Variants in FAM110B observed in about 807,000 individuals in gnomAD.
FAM110B encodes protein FAM110B.
In FAM110B, 6 loss-of-function variants were observed where a neutral mutation model predicts 20.4. The observed-to-expected ratio is 0.29, with a 90% CI of 0.16 to 0.58. The LOEUF (loss-of-function observed/expected upper bound fraction) is 0.58, where lower values mean the gene tolerates loss of function less well. Ranked by LOEUF, FAM110B falls within the 20% of genes least tolerant of loss-of-function variation. The pLI, the probability that FAM110B is intolerant of heterozygous loss-of-function variation, is 0.90. For synonymous variants in FAM110B, 226 were observed against 214.1 expected (o/e 1.06, Z -0.49); for missense variants, 434 against 498.2 (o/e 0.87, Z 1.23).
At chr8:58,052,760 G>C (rs1200056160) in intron 2 of FAM110B, among the ~76,000 whole-genome samples, 1 of 143,342 alleles carries the variant, frequency 7.0e-6, no homozygotes, top group East Asian at 2.1e-4. Flanking sequence ...AGTGTGGTGA[G>C]AGTGATGGAC....
chr8:58,123,135 C>T (rs1481390404), intron 3 of FAM110B, among the ~76,000 whole-genome samples: 2 of 152,206 alleles, frequency 1.3e-5, no homozygotes, highest in Non-Finnish European at 2.9e-5. Flanking sequence ...TATCAAACTG[C>T]TCCCGCCTGC....
At chr8:58,000,183 A>G (rs1444633841) in intron 1 of FAM110B, among the ~76,000 whole-genome samples, 2 of 152,262 alleles carry the variant, frequency 1.3e-5, no homozygotes, top group Non-Finnish European at 2.9e-5. Flanking sequence ...TGTGAGGAAC[A>G]GGAGATAGCA....
intron 3 of FAM110B, among the ~76,000 whole-genome samples, chr8:58,143,957 G>A (rs539087890): frequency 4.6e-5 from 7 of 152,296 alleles, no homozygotes; most frequent in South Asian, 2.1e-4. Context: ...ATTCCAACAC[G>A]CCATTTTGAA....
At chr8:58,038,086 C>T (rs935193493) in intron 2 of FAM110B, among the ~76,000 whole-genome samples, 2 of 152,134 alleles carry the variant, frequency 1.3e-5, no homozygotes, top group Admixed American at 1.3e-4. Context: ...CTTTAATCTT[C>T]GAAAGATACG....
intron 1 of FAM110B, among the ~76,000 whole-genome samples, chr8:58,023,295 G>A (rs537490979): frequency 1.1e-4 from 17 of 152,132 alleles, no homozygotes; most frequent in Non-Finnish European, 1.6e-4. Flanking sequence ...TTAGGTTTTT[G>A]TGAGTTCCTT....
chr8:58,021,951 C>A (rs1305853946), intron 1 of FAM110B, among the ~76,000 whole-genome samples: 1 of 152,126 alleles, frequency 6.6e-6, no homozygotes, highest in Non-Finnish European at 1.5e-5. Flanking sequence ...TACTCTATGG[C>A]CTGGCTCTAG....
chr8:58,097,106 A>G (rs1254768781), intron 3 of FAM110B, among the ~76,000 whole-genome samples: 1 of 152,074 alleles, frequency 6.6e-6, no homozygotes, highest in Non-Finnish European at 1.5e-5. Flanking sequence ...TGGGTTGGGG[A>G]AGTTTTCCTG....
At chr8:58,053,131 A>C (rs1805486111) in intron 2 of FAM110B, among the ~76,000 whole-genome samples, 1 of 151,380 alleles carries the variant, frequency 6.6e-6, no homozygotes, top group Non-Finnish European at 1.5e-5. Context: ...AGTATATAAA[A>C]CTCTATCAGC....
intron 3 of FAM110B, among the ~76,000 whole-genome samples, chr8:58,089,129 G>A (rs1037670543): frequency 6.6e-6 from 1 of 152,162 alleles, no homozygotes; most frequent in Non-Finnish European, 1.5e-5. Flanking sequence ...CCTATCGGAG[G>A]CACATTTTTG....
intron 2 of FAM110B, among the ~76,000 whole-genome samples, chr8:58,053,027 C>T (rs1423740680): frequency 4.6e-5 from 7 of 151,330 alleles, no homozygotes; most frequent in African/African-American, 1.5e-4. Context: ...CCTCGTGATC[C>T]GCCCGCCTCG....
At chr8:58,062,208 A>T (rs1273887995) in intron 2 of FAM110B, among the ~76,000 whole-genome samples, 3 of 152,204 alleles carry the variant, frequency 2.0e-5, no homozygotes, top group Non-Finnish European at 2.9e-5. Context: ...CTCTGCATAT[A>T]TTATTGTATG....
chr8:58,045,578 G>A (rs1164659243), intron 2 of FAM110B, among the ~76,000 whole-genome samples: 1 of 151,946 alleles, frequency 6.6e-6, no homozygotes, highest in Non-Finnish European at 1.5e-5. Context: ...TGACCTTGAG[G>A]CCAGTTAGCC....
In FAM110B at chr8:58,147,531, C is replaced by A; in HGVS notation, c.*188C>A. 1 of 702,828 alleles carries A rather than the reference C, an allele frequency of 1.4e-6. No homozygotes were observed. The highest frequency in any genetic ancestry group is 2.4e-6 in the Non-Finnish European group (1 of 424,624). The allele number at this position is 702,828 out of a possible 1,614,324, so 43.5% of individuals were successfully genotyped here. On this transcript the variant is annotated 3_prime_UTR_variant, in exon 4 of 4. Coordinates refer to ENST00000519262, the MANE Select transcript of FAM110B (RefSeq NM_001377989.1). ...ACGTCACCATCGCTACAGAGCCTGG[C>A]TGAACACGCGTCATCTGCCAAAAGT...
intron 1 of FAM110B, among the ~76,000 whole-genome samples, chr8:58,017,357 C>G (rs1019423379): frequency 7.2e-5 from 11 of 152,148 alleles, no homozygotes; most frequent in Admixed American, 6.5e-4. Flanking sequence ...GTGTGAAAAC[C>G]TGAAAGTCGA....
At chr8:58,044,772 G>A (rs1007208555) in intron 2 of FAM110B, among the ~76,000 whole-genome samples, 3 of 152,194 alleles carry the variant, frequency 2.0e-5, no homozygotes, top group Admixed American at 2.0e-4. Context: ...AGGGCATCAT[G>A]GATGCTCTTT....
Position 58,146,955 on chromosome 8 carries a change from A to T in FAM110B, c.725A>T (p.Asp242Val). 3 of 1,614,068 alleles carry T rather than the reference A, an allele frequency of 1.9e-6. No homozygotes were observed. Among genetic ancestry groups the T allele is most frequent in the Non-Finnish European group, 2.5e-6 (3 of 1,180,002 alleles). Residue 242 changes from aspartate (D) to valine (V), a missense_variant, in exon 4 of 4, where the codon GAC (aspartate) becomes GTC (valine). Around this residue, in one of 3 missense-constraint regions of FAM110B, gnomAD observed 284 missense variants for 278.3 expected, o/e 1.02. Transcript: ENST00000519262. ...AIASMKSPEA[D>V]PVEPACGVSR... ...GCCTCCATGAAGTCCCCCGAGGCCGACCCTGTGGAACCAGCTTGTGGAGTC... is the reference window on the plus strand; with the variant it reads ...GCCTCCATGAAGTCCCCCGAGGCCGTCCCTGTGGAACCAGCTTGTGGAGTC...
chr8:58,021,975 G>A (rs1301067202), intron 1 of FAM110B, among the ~76,000 whole-genome samples: 2 of 152,112 alleles, frequency 1.3e-5, no homozygotes, highest in Non-Finnish European at 2.9e-5. Context: ...TCCACTTGCT[G>A]GGGAGCCAGT....
intron 3 of FAM110B, among the ~76,000 whole-genome samples, chr8:58,116,944 A>G (rs1294083655): frequency 1.3e-5 from 2 of 152,344 alleles, no homozygotes; most frequent in East Asian, 3.9e-4. Context: ...TGCACACAGC[A>G]TTTGGGGGCT....
intron 2 of FAM110B, chr8:58,043,072 A>C (rs1805252203): frequency 6.6e-6 from 1 of 152,254 alleles, no homozygotes; most frequent in African/African-American, 2.4e-5. Flanking sequence ...GAATGAAAGC[A>C]GCAAACACCT....
Sources: gnomAD v4.1 joint callset for allele counts (sites outside exome capture counted in the v4.1 genomes callset) on GRCh38, gnomAD v4.1.1 for gene constraint, gnomAD v4.1.1 regional missense constraint, MANE v1.5 for transcripts, NCBI Gene and HGNC (gene_info 2026-07-23, HGNC 2026-07-21) for gene names.